The following ENTPD4 variants were observed in gnomAD, a reference collection of about 807,000 sequenced individuals.
ENTPD4 encodes Golgi UDPase.
In ENTPD4, 60 loss-of-function variants were observed where a neutral mutation model predicts 79.1. That is an observed-to-expected ratio of 0.76 (90% confidence interval 0.62 to 0.94). The LOEUF (loss-of-function observed/expected upper bound fraction) is 0.94. ENTPD4 is among the 40% of genes least tolerant of loss of function. ENTPD4 has a pLI of 0.00. For synonymous variants in ENTPD4, 276 were observed against 292.0 expected, an observed-to-expected ratio of 0.95 and a Z score of 0.56; for missense variants, 772 against 775.1, an observed-to-expected ratio of 1.00 and a Z score of 0.05.
chr8:23,437,858 A>C (rs918234805), intron 9 of ENTPD4, among the ~76,000 whole-genome samples: 26 of 152,228 alleles, frequency 1.7e-4, no homozygotes, highest in Admixed American at 1.2e-3. Flanking sequence ...ATGCCAAAGA[A>C]AGGATGGAGT....
chr8:23,439,516 C>T (rs527400162), intron 9 of ENTPD4, among the ~76,000 whole-genome samples: 18 of 152,280 alleles, frequency 1.2e-4, no homozygotes, highest in South Asian at 2.1e-4. Flanking sequence ...AGTTGAGATG[C>T]GGGTGAGAGA....
Position 23,430,487 on chromosome 8 carries a change from T to C in ENTPD4, c.*2439A>G, listed in dbSNP as rs758222074. 8.1e-6 allele frequency: 8 copies of C among 985,342 alleles called. No individual in the cohort carries two copies. The highest frequency in any genetic ancestry group is 6.1e-5 in the Admixed American group (1 of 16,274). The allele number at this position is 985,342 out of a possible 1,614,324, so 61.0% of individuals were successfully genotyped here. A position where few individuals can be genotyped will look rare whatever the true frequency, so the allele number is the denominator to read the frequency against. ...TGTCTGTATCCTTTTTTGAACTGCA[T>C]TGTTCTCACAAGGACCAGCAAACTT... On this transcript the variant is annotated 3_prime_UTR_variant, in exon 13 of 13. Transcript: ENST00000358689.
rs1200736447 is a variant in ENTPD4 at position 23,434,393 on chromosome 8, C to T, written c.1546G>A (p.Ala516Thr). Residue 516 changes from alanine (A) to threonine (T), a missense_variant, in exon 12 of 13, where the codon GCC (alanine) becomes ACC (threonine). By Grantham distance (58) the Ala-to-Thr change is moderately conservative (BLOSUM62 0). Transcript: ENST00000358689. ...ACCTCCTTGTCGTAAACTTGCAAGG[C>T]AGTCTTTAAGCTTTTATAGTTGACA... ...FPVNYKSLKTALQVYDKEVQW... is the reference protein window; with the variant it reads ...FPVNYKSLKTTLQVYDKEVQW... 1 of 1,614,186 alleles carries T rather than the reference C, an allele frequency of 6.2e-7. No homozygotes were observed. Among genetic ancestry groups the T allele is most frequent in the Non-Finnish European group, 8.5e-7 (1 of 1,180,022 alleles).
rs142210988 is a variant in ENTPD4, at chr8:23,436,976, C to A, written c.1332G>T (p.Met444Ile). 8.7e-6 allele frequency: 14 copies of A among 1,611,402 alleles called. No homozygotes were observed. The highest frequency in any genetic ancestry group is 1.7e-5 in the Admixed American group (1 of 59,654). ...ATTTAGCAGCATTGTAGTCTCCCCC[C>A]ATTCGTAACACATCCTCGGTGCAGT... ...FYYCTEDVLRMGGDYNAAKFT... is the reference protein window; with the variant it reads ...FYYCTEDVLRIGGDYNAAKFT... Residue 444 changes from methionine to isoleucine, a missense_variant, in exon 10 of 13, where the codon ATG (methionine) becomes ATT (isoleucine). Transcript: ENST00000358689.
At position 23,430,873 on chromosome 8, in the gene ENTPD4, G is replaced by A. The variant is rs1400071325; in HGVS notation, c.*2053C>T. 2.0e-6 allele frequency: 2 copies of A among 985,472 alleles called. No individual in the cohort carries two copies. Among genetic ancestry groups the A allele is most frequent in the South Asian group, 4.7e-5 (1 of 21,284 alleles). 61.0% of individuals were successfully genotyped at this position (985,472 alleles called of 1,614,324 possible). On this transcript the variant is annotated 3_prime_UTR_variant, in exon 13 of 13. Coordinates refer to ENST00000358689, the MANE Select transcript of ENTPD4 (RefSeq NM_004901.5). ...ATCCATGGCTCCTCCAGGAAGTGTC[G>A]CAGGCAGGTGGCCAAGACCAACTTA...
intron 1 of ENTPD4, among the ~76,000 whole-genome samples, chr8:23,450,660 C>G (rs1399747867): frequency 6.6e-6 from 1 of 152,248 alleles, no homozygotes; most frequent in African/African-American, 2.4e-5. Flanking sequence ...AAGCGTTGTT[C>G]TCTGCCAACC....
intron 4 of ENTPD4, among the ~76,000 whole-genome samples, chr8:23,446,570 A>T (rs983198595): frequency 6.6e-6 from 1 of 152,238 alleles, no homozygotes; most frequent in African/African-American, 2.4e-5. Context: ...GACACACAGT[A>T]GGTTGTCTCT....
intron 8 of ENTPD4, 151 bp from the exon 9 acceptor site, chr8:23,440,066 A>G (rs1033932713): frequency 2.6e-5 from 15 of 587,478 alleles, no homozygotes. Context: ...TCATAATTCA[A>G]TATGACAATT....
At position 23,432,866 on chromosome 8, in the gene ENTPD4, G is replaced by A. The variant is rs942307847; in HGVS notation, c.*60C>T. ...AACAAAACCACAGGAAAATAAAGAG[G>A]AGAAACCCTGAGGCAAAAATGGCTT... is the stretch of plus-strand genomic sequence containing the variant. On this transcript the variant is annotated 3_prime_UTR_variant, in exon 13 of 13. Transcript: ENST00000358689. The A allele has an allele frequency of 4.0e-6, 6 of 1,486,588 alleles. No individual in the cohort carries two copies. Among genetic ancestry groups the A allele is most frequent in the Non-Finnish European group, 5.4e-6 (6 of 1,115,742 alleles). 92.1% of individuals were successfully genotyped at this position (1,486,588 alleles called of 1,614,324 possible).
intron 12 of ENTPD4, chr8:23,434,096 T>A: frequency 1.8e-6 from 1 of 551,004 alleles, no homozygotes; most frequent in African/African-American, 1.9e-5. Flanking sequence ...CACAGGGCAG[T>A]AGGACAGGAG....
Position 23,430,513 on chromosome 8 carries a change from T to C in ENTPD4, c.*2413A>G. ...TGTTCTCACAAGGACCAGCAAACTT[T>C]TTCTGTAAATATTTTAGTAAATATT... On this transcript the variant is annotated 3_prime_UTR_variant, in exon 13 of 13. Transcript: ENST00000358689. 1 of 985,202 alleles carries C rather than the reference T, an allele frequency of 1.0e-6. No individual in the cohort carries two copies. The highest frequency in any genetic ancestry group is 1.2e-6 in the Non-Finnish European group (1 of 829,720). The allele number at this position is 985,202 out of a possible 1,614,324, so 61.0% of individuals were successfully genotyped here. A position where few individuals can be genotyped will look rare whatever the true frequency, so the allele number is the denominator to read the frequency against.
rs1034228390 is a variant in ENTPD4 at position 23,431,922 on chromosome 8, T to G, written c.*1004A>C. 3.0e-6 allele frequency: 3 copies of G among 985,378 alleles called. No homozygotes were observed. Among genetic ancestry groups the G allele is most frequent in the Non-Finnish European group, 3.6e-6 (3 of 829,922 alleles). The allele number at this position is 985,378 out of a possible 1,614,324, so 61.0% of individuals were successfully genotyped here. On this transcript the variant is annotated 3_prime_UTR_variant, in exon 13 of 13. Transcript: ENST00000358689. The stretch of plus-strand genomic sequence containing the variant: ...CAGGAAAAGATAACAGTAACGAGGA[T>G]TTTTCTAAATAAAATGTACCAGTAA...
chr8:23,439,843 G>C lies in ENTPD4; in HGVS notation c.955C>G (p.Arg319Gly), dbSNP rs1283330075. ...CCAAGAAACGTGGCCACATAGACTC[G>C]ATACACATGCTCAGTTTGGTGAACA... ...CDVHQTEHVY[R>G]VYVATFLGFG... is the part of the protein sequence containing the mutation. Residue 319 changes from arginine (R) to glycine (G), a missense_variant, in exon 9 of 13, where the codon CGA becomes GGA. Coordinates refer to ENST00000358689, the MANE Select transcript of ENTPD4 (RefSeq NM_004901.5). 1.2e-6 allele frequency: 2 copies of C among 1,614,000 alleles called. No individual in the cohort carries two copies. The highest frequency in any genetic ancestry group is 4.5e-5 in the East Asian group (2 of 44,892).
intron 12 of ENTPD4, among the ~76,000 whole-genome samples, 154 bp from the exon 13 acceptor site, chr8:23,433,308 G>A (rs1441239685): frequency 1.3e-5 from 2 of 152,220 alleles, no homozygotes; most frequent in East Asian, 1.9e-4. Flanking sequence ...CCCAATGCAG[G>A]GGGCTTCTAA....
Position 23,434,244 on chromosome 8 carries a change from C to T in ENTPD4, c.1622+73G>A. ...AGCAATGCCCCAAACAGCCACAGACCACAGCTGCCATGAGGTGCTGTAACT... is the reference window on the plus strand; with the variant it reads ...AGCAATGCCCCAAACAGCCACAGACTACAGCTGCCATGAGGTGCTGTAACT... On this transcript the variant is annotated intron_variant, in intron 12 of 12. Transcript: ENST00000358689. 3.2e-6 allele frequency: 5 copies of T among 1,567,722 alleles called. No homozygotes were observed. The South Asian group carries it at 5.7e-5, about 18-fold the overall frequency.
intron 5 of ENTPD4, 61 bp downstream of exon 5, chr8:23,444,395 A>G: frequency 7.1e-7 from 1 of 1,412,168 alleles, no homozygotes; most frequent in Non-Finnish European, 9.8e-7. Context: ...AAGGGGGAGA[A>G]GAACACCCCC....
Position 23,444,715 on chromosome 8 carries a change from T to C in ENTPD4, c.413-109A>G, listed in dbSNP as rs148989661. On this transcript the variant is annotated intron_variant, in intron 4 of 12. Transcript: ENST00000358689. ...AAATCATGCTACACATTACACTTCC[T>C]TAGTTTTTCCTATCCTTCTAGCAAC... 1.7e-4 allele frequency: 163 copies of C among 953,858 alleles called. No individual in the cohort carries two copies. In the East Asian group the frequency reaches 4.0e-3, roughly 24 times the overall value. 59.1% of individuals were successfully genotyped at this position (953,858 alleles called of 1,614,324 possible). A position where few individuals can be genotyped will look rare whatever the true frequency, so the allele number is the denominator to read the frequency against.
intron 1 of ENTPD4, among the ~76,000 whole-genome samples, chr8:23,455,409 G>C (rs1297521104): frequency 6.6e-6 from 1 of 152,224 alleles, no homozygotes; most frequent in African/African-American, 2.4e-5. Context: ...GCAGCGTTTT[G>C]CAAGAAACAA....
At position 23,431,601 on chromosome 8, in the gene ENTPD4, A is replaced by G; in HGVS notation, c.*1325T>C. 1 of 985,460 alleles carries G rather than the reference A, an allele frequency of 1.0e-6. No individual in the cohort carries two copies. Among genetic ancestry groups the G allele is most frequent in the Non-Finnish European group, 1.2e-6 (1 of 829,944 alleles). The allele number at this position is 985,460 out of a possible 1,614,324, so 61.0% of individuals were successfully genotyped here. ...GATTTACAGTGGTGCTGCCAGCAAC[A>G]GCCTCAGTCAATGCGGTTAGGAAGA... On this transcript the variant is annotated 3_prime_UTR_variant, in exon 13 of 13. Coordinates refer to ENST00000358689, the MANE Select transcript of ENTPD4 (RefSeq NM_004901.5).
Sources: allele counts gnomAD v4.1 joint callset (sites outside exome capture counted in the v4.1 genomes callset), GRCh38; gene constraint gnomAD v4.1.1; transcripts MANE v1.5; gene names NCBI Gene and HGNC (gene_info 2026-07-23, HGNC 2026-07-21).